Variants in CELF4 observed in about 807,000 individuals in gnomAD.
The protein encoded by CELF4 is CUGBP Elav-like family member 4.
CELF4 carries 18 observed loss-of-function variants against 59.9 expected under a neutral mutation model. The observed-to-expected ratio is 0.30, with a 90% CI of 0.21 to 0.45. The LOEUF is 0.45. CELF4 is among the 20% of genes least tolerant of loss of function. The probability of loss-of-function intolerance (pLI) is 1.00; values close to 1 mark genes in which losing one functional copy is unlikely to be tolerated. For synonymous variants in CELF4, 261 were observed against 267.1 expected, an observed-to-expected ratio of 0.98 and a Z score of 0.22; for missense variants, 456 against 689.0, an observed-to-expected ratio of 0.66 and a Z score of 3.79.
intron 2 of CELF4, among the ~76,000 whole-genome samples, chr18:37,408,441 C>T (rs554231216): frequency 2.7e-4 from 38 of 142,474 alleles, no homozygotes; most frequent in South Asian, 9.1e-4. Context: ...TGACTACACA[C>T]ATGGAAAAAT....
intron 1 of CELF4, among the ~76,000 whole-genome samples, chr18:37,558,241 T>C (rs2099985413): frequency 6.6e-6 from 1 of 152,070 alleles, no homozygotes; most frequent in Admixed American, 6.6e-5. Context: ...TCCTTCTTTG[T>C]TCCTGTGGGT....
intron 6 of CELF4, 63 bp from the exon 7 acceptor site, chr18:37,273,226 G>T: frequency 6.4e-7 from 1 of 1,561,742 alleles, no homozygotes; most frequent in Non-Finnish European, 8.7e-7. Flanking sequence ...CCCGACAGGG[G>T]CCTCAGCTCC....
chr18:37,319,181 C>A (rs1235053341), intron 3 of CELF4, among the ~76,000 whole-genome samples: 2 of 152,202 alleles, frequency 1.3e-5, no homozygotes, highest in Non-Finnish European at 2.9e-5. Flanking sequence ...GGGTGACGGT[C>A]TCCAGGAGAC....
At chr18:37,387,773 T>G (rs1033307340) in intron 2 of CELF4, among the ~76,000 whole-genome samples, 1 of 152,228 alleles carries the variant, frequency 6.6e-6, no homozygotes, top group Admixed American at 6.5e-5. Flanking sequence ...AGTCTGACCC[T>G]TTGCTCCTTC....
At chr18:37,404,907 C>G (rs905742963) in intron 2 of CELF4, among the ~76,000 whole-genome samples, 1 of 152,224 alleles carries the variant, frequency 6.6e-6, no homozygotes, top group African/African-American at 2.4e-5. Context: ...CTTGCCTCAG[C>G]ATTCTTATTA....
At chr18:37,250,834 G>A (rs1786062) in intron 12 of CELF4, among the ~76,000 whole-genome samples, 8,814 of 152,180 alleles carry the variant, frequency 0.058, 843 homozygotes, top group African/African-American at 0.2. Flanking sequence ...AGCACCATTC[G>A]TTAAAATACT....
intron 8 of CELF4, among the ~76,000 whole-genome samples, chr18:37,269,360 C>T (rs1258078975): frequency 3.9e-5 from 6 of 152,234 alleles, no homozygotes; most frequent in Non-Finnish European, 4.4e-5. Context: ...GGAAATTCTC[C>T]TCTATTTCCC....
In CELF4 at chr18:37,399,403, A is replaced by G. The variant is rs373954997; in HGVS notation, c.370-77522T>C. 2.6e-5 allele frequency among the ~76,000 whole-genome samples: 4 copies of G among 152,154 alleles called. No homozygotes were observed. The East Asian group carries it at 7.7e-4, about 29-fold the overall frequency. The stretch of plus-strand genomic sequence containing the variant: ...CTTGGGTGCAGTAAGAAAGCCCTCA[A>G]CAGATGCTGGCTCCATGCCCTTGGA... On this transcript the variant is annotated intron_variant, in intron 2 of 12. Coordinates refer to ENST00000420428, the MANE Select transcript of CELF4 (RefSeq NM_020180.4).
At chr18:37,404,591 A>G (rs957323050) in intron 2 of CELF4, among the ~76,000 whole-genome samples, 1 of 152,016 alleles carries the variant, frequency 6.6e-6, no homozygotes. Context: ...CCTGGACATC[A>G]CTCCAGCCAG....
intron 1 of CELF4, among the ~76,000 whole-genome samples, chr18:37,498,764 G>C (rs2099928125): frequency 6.6e-6 from 1 of 152,088 alleles, no homozygotes; most frequent in Non-Finnish European, 1.5e-5. Context: ...GGAGTTCCGG[G>C]AGAGGGTTGC....
chr18:37,466,788 T>C (rs1171060319), intron 2 of CELF4, among the ~76,000 whole-genome samples: 1 of 152,140 alleles, frequency 6.6e-6, no homozygotes, highest in Non-Finnish European at 1.5e-5. Context: ...GGGCATCTTA[T>C]CCAGCCTTAT....
intron 2 of CELF4, among the ~76,000 whole-genome samples, chr18:37,339,772 G>A (rs2097922066): frequency 6.7e-6 from 1 of 150,336 alleles, no homozygotes; most frequent in Non-Finnish European, 1.5e-5. Context: ...AAAAAAAAAG[G>A]CCTGGGAGGC....
chr18:37,545,311 G>C (rs931746271), intron 1 of CELF4, among the ~76,000 whole-genome samples: 8 of 152,314 alleles, frequency 5.3e-5, no homozygotes, highest in African/African-American at 1.9e-4. Flanking sequence ...TGGGCAGGTA[G>C]GACTGGCCTT....
intron 2 of CELF4, among the ~76,000 whole-genome samples, chr18:37,384,188 C>A (rs2154570812): frequency 6.6e-6 from 1 of 152,212 alleles, no homozygotes; most frequent in Non-Finnish European, 1.5e-5. Context: ...TTTGGCTTCC[C>A]CAGGCTTGTT....
intron 3 of CELF4, among the ~76,000 whole-genome samples, chr18:37,295,714 T>C (rs1436173334): frequency 2.6e-5 from 4 of 152,242 alleles, no homozygotes; most frequent in Non-Finnish European, 2.9e-5. Context: ...TGATCTGTAC[T>C]TCACATCCCC....
Position 37,274,463 on chromosome 18 carries a change from G to C in CELF4, c.658-9C>G. 6.2e-7 allele frequency: 1 copy of C among 1,611,966 alleles called. No individual in the cohort carries two copies. The highest frequency in any genetic ancestry group is 8.5e-7 in the Non-Finnish European group (1 of 1,179,438). ...AGACTGGACGAGGCTCCCTGCGGCC[G>C]GGGCGGCGCGTGAGACCCACCTGCT... On this transcript the variant is annotated splice_polypyrimidine_tract_variant and intron_variant, in intron 5 of 12. Coordinates refer to ENST00000420428, the MANE Select transcript of CELF4 (RefSeq NM_020180.4).
intron 2 of CELF4, among the ~76,000 whole-genome samples, chr18:37,423,101 G>C (rs950359230): frequency 2.6e-5 from 4 of 151,388 alleles, no homozygotes; most frequent in South Asian, 2.1e-4. Context: ...GAGAGAGAGA[G>C]AGACAGACAG....
At chr18:37,342,167 C>T (rs1201299752) in intron 2 of CELF4, among the ~76,000 whole-genome samples, 1 of 151,668 alleles carries the variant, frequency 6.6e-6, no homozygotes, top group Non-Finnish European at 1.5e-5. Context: ...GCAATTGTGT[C>T]CTGGTAGGGC....
chr18:37,558,280 C>T (rs911353945), intron 1 of CELF4, among the ~76,000 whole-genome samples: 1 of 151,930 alleles, frequency 6.6e-6, no homozygotes, highest in Non-Finnish European at 1.5e-5. Flanking sequence ...TTATACCCAC[C>T]TAGGGCTATG....
Sources: allele counts gnomAD v4.1 joint callset (sites outside exome capture counted in the v4.1 genomes callset), GRCh38; gene constraint gnomAD v4.1.1; transcripts MANE v1.5; gene names NCBI Gene and HGNC (gene_info 2026-07-23, HGNC 2026-07-21).